The following CHRNB3 variants were observed in gnomAD, a reference collection of about 807,000 sequenced individuals.
CHRNB3 encodes the protein cholinergic receptor nicotinic beta 3 subunit, also known as neuronal acetylcholine receptor subunit beta-3.
A neutral mutation model predicts 40.6 loss-of-function variants in CHRNB3; 37 were observed. The observed-to-expected ratio is 0.91, with a 90% CI of 0.70 to 1.20. CHRNB3 has a LOEUF of 1.20. Ranked by LOEUF, CHRNB3 falls within the 50% of genes most tolerant of loss-of-function variation. The pLI is 0.00. For missense variants in CHRNB3, 505 were observed against 551.2 expected (o/e 0.92, Z 0.84); for synonymous variants, 207 against 207.1 (o/e 1.00, Z 0.00).
In CHRNB3 at chr8:42,708,714, C is replaced by T. The variant is rs367816506; in HGVS notation, c.53-3C>T. 1.2e-6 allele frequency: 2 copies of T among 1,613,132 alleles called. No homozygotes were observed. The highest frequency in any genetic ancestry group is 1.1e-5 in the South Asian group (1 of 90,846). On this transcript the variant is annotated splice_polypyrimidine_tract_variant and splice_region_variant and intron_variant, in intron 1 of 5. Coordinates refer to ENST00000289957, the MANE Select transcript of CHRNB3 (RefSeq NM_000749.5). ...CCCAGGTCCACCCATGATTCTTTTA[C>T]AGCCACCACAGGTTTCAACTCAATC...
rs776514234 is a variant in CHRNB3 at position 42,710,468 on chromosome 8, C to T, written c.249+34C>T. On this transcript the variant is annotated intron_variant, in intron 3 of 5. Transcript: ENST00000289957. The stretch of plus-strand genomic sequence containing the variant: ...CAATCCAAGGATTGTGTCTGCTAAC[C>T]CAGTCACTTATTTTCTATTTATAAA... 27 of 1,545,786 alleles carry T rather than the reference C, an allele frequency of 1.7e-5. No individual in the cohort carries two copies. The South Asian group carries it at 3.0e-4, about 17-fold the overall frequency.
Position 42,732,037 on chromosome 8 carries a change from T to C in CHRNB3, c.730T>C (p.Cys244Arg). The C allele has an allele frequency of 6.2e-7, 1 of 1,614,154 alleles. No homozygotes were observed. The highest frequency in any genetic ancestry group is 8.5e-7 in the Non-Finnish European group (1 of 1,180,032). Residue 244 changes from cysteine to arginine, a missense_variant, in exon 5 of 6, where the codon TGC becomes CGC. By Grantham distance (180) the Cys-to-Arg change is radical. Transcript: ENST00000289957. ...LFYTLFLIIP[C>R]LGLSFLTVLV... Reference sequence around the variant, plus strand: ...CTATACCCTCTTTCTCATCATCCCCTGCCTGGGGCTGTCTTTCCTAACAGT... The same window carrying C: ...CTATACCCTCTTTCTCATCATCCCCCGCCTGGGGCTGTCTTTCCTAACAGT...
Position 42,734,759 on chromosome 8 carries a change from C to T in CHRNB3, c.1243-1725C>T, listed in dbSNP as rs148752117. Among the ~76,000 whole-genome samples the T allele has an allele frequency of 6.0e-3, 915 of 152,020 alleles. 8 individuals carry two copies. The highest frequency in any genetic ancestry group is 8.9e-3 in the Non-Finnish European group (608 of 67,984). On this transcript the variant is annotated intron_variant, in intron 5 of 5. Coordinates refer to ENST00000289957, the MANE Select transcript of CHRNB3 (RefSeq NM_000749.5). ...AAATATCCTTCTACATTTTCTCTTG[C>T]GTTCACAGACACTGCCTCATATGTC...
chr8:42,729,367 A>G (rs61601101), intron 3 of CHRNB3, among the ~76,000 whole-genome samples: 8,766 of 152,158 alleles, frequency 0.058, 335 homozygotes, highest in Middle Eastern at 0.11. Flanking sequence ...CCGAGATCAC[A>G]CCACTGCACT....
chr8:42,711,130 G>A (rs756949317), intron 3 of CHRNB3, among the ~76,000 whole-genome samples: 4 of 152,046 alleles, frequency 2.6e-5, no homozygotes, highest in Admixed American at 1.3e-4. Context: ...TCCCAGTTTC[G>A]CATATGTTAT....
chr8:42,734,721 G>C (rs187665107), intron 5 of CHRNB3, among the ~76,000 whole-genome samples: 1 of 151,718 alleles, frequency 6.6e-6, no homozygotes, highest in Non-Finnish European at 1.5e-5. Flanking sequence ...ACCTGGCCAA[G>C]AATTTTTTTT....
At chr8:42,704,473 C>T (rs1815884851) in intron 1 of CHRNB3, 1 of 152,198 alleles carries the variant, frequency 6.6e-6, no homozygotes, top group African/African-American at 2.4e-5. Flanking sequence ...TCACAGGGAG[C>T]ACAGCTGCGT....
At chr8:42,697,701 C>A in intron 1 of CHRNB3, 103 bp downstream of exon 1, 1 of 851,494 alleles carries the variant, frequency 1.2e-6, no homozygotes, top group Non-Finnish European at 2.0e-6. Context: ...ATATGTAATG[C>A]ACAAGATACA....
At chr8:42,702,094 A>T (rs1435652917) in intron 1 of CHRNB3, among the ~76,000 whole-genome samples, 2 of 152,148 alleles carry the variant, frequency 1.3e-5, no homozygotes, top group Non-Finnish European at 2.9e-5. Context: ...CTTCTGAGCC[A>T]GCAGCAGCAC....
intron 3 of CHRNB3, among the ~76,000 whole-genome samples, chr8:42,723,462 T>C (rs1023371410): frequency 6.6e-6 from 1 of 152,164 alleles, no homozygotes; most frequent in African/African-American, 2.4e-5. Flanking sequence ...GAAAGCTTTC[T>C]AGAAACAAAT....
In CHRNB3 at chr8:42,736,587, C is replaced by T; in HGVS notation, c.1346C>T (p.Ala449Val). The T allele has an allele frequency of 6.2e-7, 1 of 1,614,146 alleles. No homozygotes were observed. Among genetic ancestry groups the T allele is most frequent in the Non-Finnish European group, 8.5e-7 (1 of 1,180,032 alleles). ...VTGSVLIFTP[A>V]LKMWLHSYH is the part of the protein sequence containing the mutation. Reference sequence around the variant, plus strand: ...GGCTCGGTTCTGATTTTTACCCCTGCTTTGAAGATGTGGCTACATAGTTAC... The same window carrying T: ...GGCTCGGTTCTGATTTTTACCCCTGTTTTGAAGATGTGGCTACATAGTTAC... The change falls in exon 6 of 6, where the codon GCT (alanine) becomes GTT (valine). Residue 449 changes from alanine to valine, a missense_variant. Transcript: ENST00000289957.
chr8:42,716,769 T>C (rs1355881137), intron 3 of CHRNB3, among the ~76,000 whole-genome samples: 2 of 151,992 alleles, frequency 1.3e-5, no homozygotes, highest in Non-Finnish European at 1.5e-5. Context: ...TCTGGTCCGG[T>C]ACCCGAGTCC....
intron 1 of CHRNB3, among the ~76,000 whole-genome samples, chr8:42,700,364 C>T (rs1815769469): frequency 1.3e-5 from 2 of 151,682 alleles, no homozygotes; most frequent in East Asian, 1.9e-4. Flanking sequence ...CGCTCTGTCA[C>T]CCAGGCTGGA....
At chr8:42,698,996 C>T (rs1369868954) in intron 1 of CHRNB3, among the ~76,000 whole-genome samples, 1 of 152,186 alleles carries the variant, frequency 6.6e-6, no homozygotes, top group Non-Finnish European at 1.5e-5. Context: ...ATTGTGTAAT[C>T]TTTCACAGAT....
chr8:42,708,474 T>TACACATAC (rs1554589840), intron 1 of CHRNB3, among the ~76,000 whole-genome samples: 1 of 148,816 alleles, frequency 6.7e-6, no homozygotes, highest in Admixed American at 6.7e-5. Flanking sequence ...TCAAAAAAAA[T>TACACATAC]ACACACACAC....
rs144070963 is a variant in CHRNB3, at chr8:42,723,699, C to T, written c.250-6895C>T. Among the ~76,000 whole-genome samples, 699 of 152,302 alleles carry T rather than the reference C, an allele frequency of 4.6e-3. 4 individuals are homozygous for T. The highest frequency in any genetic ancestry group is 0.016 in the African/African-American group (668 of 41,544). On this transcript the variant is annotated intron_variant, in intron 3 of 5. Transcript: ENST00000289957. Reference sequence around the variant, plus strand: ...AGCCATGTGCAGCAGCCTTGAATCCCGTTTCCCTCACTGACTAGCTGTGTG... The same window carrying T: ...AGCCATGTGCAGCAGCCTTGAATCCTGTTTCCCTCACTGACTAGCTGTGTG...
intron 3 of CHRNB3, among the ~76,000 whole-genome samples, chr8:42,725,379 C>T (rs767942842): frequency 3.3e-5 from 5 of 152,006 alleles, no homozygotes; most frequent in African/African-American, 4.8e-5. Flanking sequence ...CGTGAGCCAC[C>T]GCACCCGGCC....
intron 4 of CHRNB3, 39 bp downstream of exon 4, chr8:42,730,742 T>C: frequency 7.2e-7 from 1 of 1,397,654 alleles, no homozygotes; most frequent in Non-Finnish European, 9.9e-7. Flanking sequence ...GGGAAAAAAA[T>C]AAATTTTTTA....
At chr8:42,701,226 C>CAAAACAAAAA in intron 1 of CHRNB3, among the ~76,000 whole-genome samples, 1 of 71,460 alleles carries the variant, frequency 1.4e-5, no homozygotes, top group Non-Finnish European at 2.7e-5. Flanking sequence ...GACTCTGTCT[C>CAAAACAAAAA]AAAAAAAAAA....
Sources: allele counts gnomAD v4.1 joint callset (sites outside exome capture counted in the v4.1 genomes callset), GRCh38; gene constraint gnomAD v4.1.1; transcripts MANE v1.5; gene names NCBI Gene and HGNC (gene_info 2026-07-23, HGNC 2026-07-21).